The following PRDM16 variants were observed in gnomAD, a reference collection of about 807,000 sequenced individuals.
PRDM16 encodes the protein histone-lysine N-methyltransferase PRDM16.
In PRDM16, 23 loss-of-function variants were observed where a neutral mutation model predicts 110.6. The observed-to-expected ratio is 0.21, with a 90% CI of 0.15 to 0.29. The LOEUF is 0.29. Ranked by LOEUF, PRDM16 falls within the 10% of genes least tolerant of loss-of-function variation. The pLI, the probability that PRDM16 is intolerant of heterozygous loss-of-function variation, is 1.00. For synonymous variants in PRDM16, 799 were observed against 781.8 expected (o/e 1.02, Z -0.37); for missense variants, 1,615 against 1,794.3 (o/e 0.90, Z 1.81).
At position 3,225,578 on chromosome 1, in the gene PRDM16, G is replaced by A. The variant is rs2500255; in HGVS notation, c.388-18509G>A. On this transcript the variant is annotated intron_variant, in intron 2 of 16. Transcript: ENST00000270722. ...TGTGTGTGTGTGTGTGTGTGTGCGC[G>A]CGCGCAGAAGGAAGGAAACGCAAGG... is the stretch of plus-strand genomic sequence containing the variant. Among the ~76,000 whole-genome samples, 27 of 150,220 alleles carry A rather than the reference G, an allele frequency of 1.8e-4. 1 individual carries two copies. Among genetic ancestry groups the A allele is most frequent in the African/African-American group, 5.2e-4 (21 of 40,018 alleles).
At position 3,181,744 on chromosome 1, in the gene PRDM16, AGTCTTACACACG is replaced by A. The variant is rs1451083585; in HGVS notation, c.38-4369_38-4358del. On this transcript the variant is annotated intron_variant, in intron 1 of 16. Coordinates refer to ENST00000270722, the MANE Select transcript of PRDM16 (RefSeq NM_022114.4). ...GTCTTACACACGGTCTTACACACGGAGTCTTACACACGGTCTTACACACAGTCTTACACATGC... is the reference window on the plus strand; with the variant it reads ...GTCTTACACACGGTCTTACACACGGAGTCTTACACACAGTCTTACACATGC... 4.0e-3 allele frequency among the ~76,000 whole-genome samples: 500 copies of A among 123,938 alleles called. 2 individuals carry two copies. Among genetic ancestry groups the A allele is most frequent in the East Asian group, 0.015 (54 of 3,688 alleles). The allele number at this position is 123,938 out of a possible 152,430, so 81.3% of individuals were successfully genotyped here.
chr1:3,091,164 C>T (rs1374463899), intron 1 of PRDM16, among the ~76,000 whole-genome samples: 11 of 152,192 alleles, frequency 7.2e-5, no homozygotes, highest in Admixed American at 7.2e-4. Flanking sequence ...AATCCTGTCC[C>T]AAGGAGCCAC....
At chr1:3,222,433 TG>T (rs796675629) in intron 2 of PRDM16, among the ~76,000 whole-genome samples, 22 of 152,184 alleles carry the variant, frequency 1.4e-4, no homozygotes, top group African/African-American at 5.3e-4. Context: ...CCATGAGGAG[TG>T]GGGGCTCGCA....
At chr1:3,433,000 C>A (rs1019737109) in intron 16 of PRDM16, among the ~76,000 whole-genome samples, 3 of 152,230 alleles carry the variant, frequency 2.0e-5, no homozygotes, top group Non-Finnish European at 2.9e-5. Context: ...TTTGGTGTCC[C>A]CACGGTCACC....
In PRDM16 at chr1:3,244,044, G is replaced by A. The variant is rs1557553656; in HGVS notation, c.388-43G>A. 6.2e-7 allele frequency: 1 copy of A among 1,602,828 alleles called. No homozygotes were observed. Among genetic ancestry groups the A allele is most frequent in the Non-Finnish European group, 8.5e-7 (1 of 1,169,828 alleles). The stretch of plus-strand genomic sequence containing the variant: ...TTAGAACCCAGTGTAGCTTGAGAAT[G>A]TTTTATCAGAAACTAACAACCCCTC... On this transcript the variant is annotated intron_variant, in intron 2 of 16. Transcript: ENST00000270722. This position sits in a 1 kb window ranked among gnomAD's most constrained non-coding sequence, Gnocchi z 4.1.
At chr1:3,134,969 G>A (rs1351071861) in intron 1 of PRDM16, among the ~76,000 whole-genome samples, 6 of 152,182 alleles carry the variant, frequency 3.9e-5, no homozygotes, top group African/African-American at 1.2e-4. Flanking sequence ...AGCTGCCGGG[G>A]AGCTGCCGGC....
chr1:3,347,418 C>T (rs768058901), intron 3 of PRDM16, among the ~76,000 whole-genome samples: 8 of 152,218 alleles, frequency 5.3e-5, no homozygotes, highest in Middle Eastern at 3.2e-3. Flanking sequence ...GCCTGGCCCA[C>T]GGTGGTGCAG....
intron 1 of PRDM16, among the ~76,000 whole-genome samples, chr1:3,163,504 T>C (rs1297332553): frequency 6.6e-6 from 1 of 152,200 alleles, no homozygotes; most frequent in Non-Finnish European, 1.5e-5. Flanking sequence ...CAGTGCCAGT[T>C]GGTAAAACCC....
At chr1:3,085,507 C>A (rs776917020) in intron 1 of PRDM16, among the ~76,000 whole-genome samples, 3 of 152,214 alleles carry the variant, frequency 2.0e-5, no homozygotes, top group Non-Finnish European at 4.4e-5. Flanking sequence ...GGCTTTGGCT[C>A]AGGCCAACTT....
chr1:3,216,073 G>T (rs1467574096), intron 2 of PRDM16, among the ~76,000 whole-genome samples: 1 of 152,186 alleles, frequency 6.6e-6, no homozygotes, highest in Non-Finnish European at 1.5e-5. Flanking sequence ...AAACCCAAGT[G>T]TATGATGCTC....
At chr1:3,262,841 C>A (rs1345696217) in intron 3 of PRDM16, among the ~76,000 whole-genome samples, 1 of 151,816 alleles carries the variant, frequency 6.6e-6, no homozygotes, top group African/African-American at 2.4e-5. Context: ...GTAATGACAA[C>A]ACACAGACAA....
chr1:3,132,070 G>C (rs1643346088), intron 1 of PRDM16, among the ~76,000 whole-genome samples: 1 of 152,136 alleles, frequency 6.6e-6, no homozygotes, highest in South Asian at 2.1e-4. Context: ...TATATAGCTG[G>C]GAAATGAGCG....
intron 2 of PRDM16, among the ~76,000 whole-genome samples, chr1:3,192,181 AT>A (rs1359239490): frequency 6.6e-6 from 1 of 152,036 alleles, no homozygotes; most frequent in Non-Finnish European, 1.5e-5. Flanking sequence ...CCACAGCTTA[AT>A]TTTTGCCTAA....
chr1:3,094,233 G>A (rs1005662926), intron 1 of PRDM16, among the ~76,000 whole-genome samples: 11 of 152,214 alleles, frequency 7.2e-5, no homozygotes, highest in African/African-American at 2.2e-4. Flanking sequence ...CTGGTGGCAC[G>A]GGGGCGCACA....
intron 2 of PRDM16, among the ~76,000 whole-genome samples, chr1:3,240,802 A>C (rs1048167025): frequency 6.6e-6 from 1 of 152,236 alleles, no homozygotes; most frequent in Admixed American, 6.5e-5. Flanking sequence ...GAGGGTATTT[A>C]TTTTAAGAGT....
intron 3 of PRDM16, among the ~76,000 whole-genome samples, chr1:3,270,624 G>T (rs1327751232): frequency 7.4e-6 from 1 of 134,660 alleles, no homozygotes; most frequent in African/African-American, 3.1e-5. Flanking sequence ...TCCTGGATGA[G>T]GACAGTTGGG....
rs950502995 is a variant in PRDM16 at position 3,279,793 on chromosome 1, G to A, written c.438+35656G>A. Among the ~76,000 whole-genome samples the A allele has an allele frequency of 6.1e-5, 9 of 148,298 alleles. 1 individual carries two copies. The highest frequency in any genetic ancestry group is 4.0e-4 in the Admixed American group (6 of 15,084). ...CCATTGCCTGAGGACCAGAGCCTGC[G>A]GGGGGGTGGGGACAGGGAAGTGGCC... On this transcript the variant is annotated intron_variant, in intron 3 of 16. Transcript: ENST00000270722.
intron 3 of PRDM16, among the ~76,000 whole-genome samples, chr1:3,352,679 C>T (rs1642517920): frequency 6.6e-6 from 1 of 152,260 alleles, no homozygotes; most frequent in African/African-American, 2.4e-5. Flanking sequence ...TTAATCATCA[C>T]TGTCAGGCCG....
At chr1:3,307,795 G>A (rs1641348021) in intron 3 of PRDM16, 1 of 152,190 alleles carries the variant, frequency 6.6e-6, no homozygotes. Context: ...TCCTTGATCT[G>A]AGCCTCGCTT....
Sources: allele counts gnomAD v4.1 joint callset (sites outside exome capture counted in the v4.1 genomes callset), GRCh38; gene constraint gnomAD v4.1.1; non-coding constraint Gnocchi (gnomAD v3.1); transcripts MANE v1.5; gene names NCBI Gene and HGNC (gene_info 2026-07-23, HGNC 2026-07-21).